The following ANKMY1 variants were observed in gnomAD, a reference collection of about 807,000 sequenced individuals.
ANKMY1 encodes the protein ankyrin repeat and MYND domain containing 1, also known as ankyrin repeat and MYND domain-containing protein 1.
A neutral mutation model predicts 102.0 loss-of-function variants in ANKMY1; 98 were observed. That is an observed-to-expected ratio of 0.96 (90% confidence interval 0.82 to 1.14). The LOEUF (loss-of-function observed/expected upper bound fraction) is 1.14, where lower values mean the gene tolerates loss of function less well. Among genes scored for constraint, ANKMY1 ranks in the 50% most tolerant of loss-of-function variants. The pLI, the probability that ANKMY1 is intolerant of heterozygous loss-of-function variation, is 0.00. For missense variants in ANKMY1, 1,330 were observed against 1,347.6 expected, an observed-to-expected ratio of 0.99 and a Z score of 0.20; for synonymous variants, 582 against 559.9, an observed-to-expected ratio of 1.04 and a Z score of -0.56.
chr2:240,533,830 G>T lies in ANKMY1; in HGVS notation c.481-4321C>A, dbSNP rs2086076523. 2.0e-5 allele frequency among the ~76,000 whole-genome samples: 3 copies of T among 151,706 alleles called. No homozygotes were observed. The South Asian group carries it at 6.3e-4, about 32-fold the overall frequency. On this transcript the variant is annotated intron_variant, in intron 4 of 17. Coordinates refer to ENST00000401804, the MANE Select transcript of ANKMY1 (RefSeq NM_001282771.3). ...AATGAAGAAATATCTAAAACATAATGAAACAGAAAGGTTGAAAGTAAAGTT... is the reference window on the plus strand; with the variant it reads ...AATGAAGAAATATCTAAAACATAATTAAACAGAAAGGTTGAAAGTAAAGTT...
intron 1 of ANKMY1, 61 bp from the exon 2 acceptor site, chr2:240,557,413 C>CG (rs2092483364): frequency 7.1e-7 from 1 of 1,402,544 alleles, no homozygotes; most frequent in Non-Finnish European, 9.4e-7. Flanking sequence ...ACTCAGAGGG[C>CG]GCCCGAGGCC....
intron 15 of ANKMY1, among the ~76,000 whole-genome samples, chr2:240,485,780 A>C (rs966885947): frequency 6.6e-6 from 1 of 152,004 alleles, no homozygotes; most frequent in Non-Finnish European, 1.5e-5. Context: ...TTTTGTAGAG[A>C]CAGGGTCTTG....
chr2:240,557,520 G>A (rs2125284442), intron 1 of ANKMY1, 168 bp from the exon 2 acceptor site: 1 of 660,908 alleles, frequency 1.5e-6, no homozygotes, highest in East Asian at 3.4e-5. Context: ...ACCATCCCTG[G>A]GAGTCCTCAG....
At chr2:240,482,343 C>A in intron 15 of ANKMY1, 82 bp from the exon 16 acceptor site, 1 of 1,248,968 alleles carries the variant, frequency 8.0e-7, no homozygotes, top group Non-Finnish European at 1.1e-6. Context: ...TTGCGCCCTC[C>A]CTGTGGTGCC....
At chr2:240,561,063 G>C (rs777055749), upstream of ANKMY1, 5 of 1,493,192 alleles carry the variant, frequency 3.3e-6, no homozygotes, top group South Asian at 1.3e-5. Context: ...CCTCAGCCTG[G>C]CGAAGGCCTT....
At chr2:240,539,844 A>G (rs2088163405) in intron 4 of ANKMY1, among the ~76,000 whole-genome samples, 1 of 152,184 alleles carries the variant, frequency 6.6e-6, no homozygotes, top group African/African-American at 2.4e-5. Context: ...AGGACCCCAG[A>G]AAAACCGGAA....
At chr2:240,472,920 T>C in the ANKMY1 span, among the ~76,000 whole-genome samples, 2 of 151,190 alleles carry the variant, frequency 1.3e-5, no homozygotes, top group African/African-American at 4.9e-5. Context: ...AGGTCAGGAG[T>C]TCGAGACCAG....
chr2:240,497,980 G>C lies in ANKMY1; in HGVS notation c.2806+1978C>G, dbSNP rs138382001. On this transcript the variant is annotated intron_variant, in intron 15 of 17. Coordinates refer to ENST00000401804, the MANE Select transcript of ANKMY1 (RefSeq NM_001282771.3). ...TCCGCTCATGGGCCAGTACAAGCCT[G>C]ATTAGAACCCCAGTATCCTCAGGGG... 2.3e-3 allele frequency among the ~76,000 whole-genome samples: 352 copies of C among 152,322 alleles called. 2 individuals carry two copies. Among genetic ancestry groups the C allele is most frequent in the African/African-American group, 8.1e-3 (337 of 41,570 alleles).
rs373042448 is a variant in ANKMY1 at position 240,529,327 on chromosome 2, G to A, written c.663C>T (p.Ile221=). The A allele has an allele frequency of 1.7e-4, 278 of 1,614,076 alleles. No homozygotes were observed. The highest frequency in any genetic ancestry group is 2.3e-4 in the Non-Finnish European group (267 of 1,180,048). Residue 221 remains isoleucine, a synonymous_variant, in exon 5 of 18, where the codon ATC becomes ATT. Coordinates refer to ENST00000401804, the MANE Select transcript of ANKMY1 (RefSeq NM_001282771.3). This position sits in a 1 kb window ranked among gnomAD's most constrained non-coding sequence, Gnocchi z 4.2. ...SSFITHSPAR[I]SLSEEEKTEW... is the part of the protein sequence containing the mutation. ...CCGTTTTCTCCTCTTCTGAGAGGCT[G>A]ATCCTGGCAGGGCTGTGGGTGATGA...
rs2085627950 is a variant in ANKMY1 at position 240,532,371 on chromosome 2, T to C, written c.481-2862A>G. Among the ~76,000 whole-genome samples, 3 of 152,286 alleles carry C rather than the reference T, an allele frequency of 2.0e-5. No homozygotes were observed. The South Asian group carries it at 6.2e-4, about 32-fold the overall frequency. On this transcript the variant is annotated intron_variant, in intron 4 of 17. Coordinates refer to ENST00000401804, the MANE Select transcript of ANKMY1 (RefSeq NM_001282771.3). Reference sequence around the variant, plus strand: ...AACTGATTCTCAGACAAGCAAAAACTGACAGAATACCATCTTCAAATACAC... The same window carrying C: ...AACTGATTCTCAGACAAGCAAAAACCGACAGAATACCATCTTCAAATACAC...
intron 9 of ANKMY1, among the ~76,000 whole-genome samples, chr2:240,518,074 A>G (rs541363651): frequency 5.9e-5 from 9 of 152,254 alleles, no homozygotes; most frequent in Non-Finnish European, 1.2e-4. Flanking sequence ...CTGATTCCTC[A>G]TGATTGAGGA....
chr2:240,527,266 A>T (rs1307271244), intron 5 of ANKMY1: 1 of 21,828 alleles, frequency 4.6e-5, no homozygotes, highest in Non-Finnish European at 1.0e-4. Flanking sequence ...AGATGCATGA[A>T]TAGATTGATA....
intron 4 of ANKMY1, among the ~76,000 whole-genome samples, chr2:240,530,314 C>T (rs901931172): frequency 1.4e-4 from 21 of 151,598 alleles, no homozygotes; most frequent in African/African-American, 5.1e-4. Flanking sequence ...AAATTGTACT[C>T]CCCAGTGTTG....
At chr2:240,508,238 G>C (rs2079453164) in intron 12 of ANKMY1, among the ~76,000 whole-genome samples, 1 of 152,254 alleles carries the variant, frequency 6.6e-6, no homozygotes, top group South Asian at 2.1e-4. Flanking sequence ...GCCAGACACG[G>C]GTCCTTAGTG....
the ANKMY1 span, among the ~76,000 whole-genome samples, chr2:240,468,684 C>G: frequency 1.3e-5 from 2 of 152,314 alleles, no homozygotes; most frequent in South Asian, 2.1e-4. Flanking sequence ...ACAGGTTGGT[C>G]TGGTGAACAT....
In ANKMY1 at chr2:240,526,147, G is replaced by T. The variant is rs531798103; in HGVS notation, c.1170+82C>A. 731 of 1,515,870 alleles carry T rather than the reference G, an allele frequency of 4.8e-4. 4 individuals carry two copies. The African/African-American group carries it at 9.1e-3, about 19-fold the overall frequency. 93.9% of individuals were successfully genotyped at this position (1,515,870 alleles called of 1,614,324 possible). A position where few individuals can be genotyped will look rare whatever the true frequency, so the allele number is the denominator to read the frequency against. On this transcript the variant is annotated intron_variant, in intron 6 of 17. Coordinates refer to ENST00000401804, the MANE Select transcript of ANKMY1 (RefSeq NM_001282771.3). Reference sequence around the variant, plus strand: ...TGTACCTCAGCTCTGCTCCTGCAGAGGGGGCCACAGAGGGCCACCCACATG... The same window carrying T: ...TGTACCTCAGCTCTGCTCCTGCAGATGGGGCCACAGAGGGCCACCCACATG...
intron 12 of ANKMY1, among the ~76,000 whole-genome samples, chr2:240,508,189 C>T (rs1575030311): frequency 6.6e-6 from 1 of 152,256 alleles, no homozygotes; most frequent in Non-Finnish European, 1.5e-5. Flanking sequence ...TGTGCCCAGC[C>T]GCCAGCTCAG....
rs888489116 is a variant in ANKMY1, at chr2:240,529,012, G to A, written c.953+25C>T. 11 of 1,608,428 alleles carry A rather than the reference G, an allele frequency of 6.8e-6. No homozygotes were observed. Among genetic ancestry groups the A allele is most frequent in the Non-Finnish European group, 9.4e-6 (11 of 1,175,308 alleles). On this transcript the variant is annotated intron_variant, in intron 5 of 17. Coordinates refer to ENST00000401804, the MANE Select transcript of ANKMY1 (RefSeq NM_001282771.3). The surrounding 1 kb of genome is among the most constrained non-coding windows in gnomAD (Gnocchi z 4.2). The stretch of plus-strand genomic sequence containing the variant: ...AGCCTGCACAGTGCACGGCCCTAGG[G>A]GAGGAGCAGTAGCAGACTAGTCACC...
intron 12 of ANKMY1, 137 bp from the exon 13 acceptor site, chr2:240,507,828 A>G: frequency 4.6e-6 from 5 of 1,075,706 alleles, no homozygotes; most frequent in Non-Finnish European, 6.4e-6. Context: ...GGCCCTTCCC[A>G]CGGATCCTAC....
Sources: allele counts gnomAD v4.1 joint callset (sites outside exome capture counted in the v4.1 genomes callset), GRCh38; gene constraint gnomAD v4.1.1; non-coding constraint Gnocchi (gnomAD v3.1); transcripts MANE v1.5; gene names NCBI Gene and HGNC (gene_info 2026-07-23, HGNC 2026-07-21).